The following FHIT variants were observed in gnomAD, a reference collection of about 807,000 sequenced individuals.
FHIT encodes the protein fragile histidine triad diadenosine triphosphatase, also known as bis(5'-adenosyl)-triphosphatase.
A neutral mutation model predicts 17.9 loss-of-function variants in FHIT; 19 were observed. The observed-to-expected ratio is 1.06, with a 90% CI of 0.74 to 1.56. The LOEUF is 1.56. Among genes scored for constraint, FHIT ranks in the 40% most tolerant of loss-of-function variants. The pLI, the probability that FHIT is intolerant of heterozygous loss-of-function variation, is 0.00. For missense variants in FHIT, 248 were observed against 189.2 expected (o/e 1.31, Z -1.82); for synonymous variants, 81 against 69.7 (o/e 1.16, Z -0.81).
At chr3:60,423,729 A>T (rs1702560034) in intron 5 of FHIT, among the ~76,000 whole-genome samples, 1 of 152,198 alleles carries the variant, frequency 6.6e-6, no homozygotes, top group Non-Finnish European at 1.5e-5. Context: ...GTCCTGGTGC[A>T]GCTAAGTAAT....
chr3:61,126,317 A>T (rs576192527), intron 2 of FHIT, among the ~76,000 whole-genome samples: 48 of 152,276 alleles, frequency 3.2e-4, no homozygotes, highest in Middle Eastern at 6.8e-3. Flanking sequence ...AGACAATTGT[A>T]TTAGTCCATT....
chr3:61,106,906 A>C (rs1488328508), intron 2 of FHIT, among the ~76,000 whole-genome samples: 3 of 152,032 alleles, frequency 2.0e-5, no homozygotes, highest in Non-Finnish European at 2.9e-5. Context: ...TGATCTGCCC[A>C]CCTCGGCCTC....
At chr3:61,142,473 T>C (rs1402925709) in intron 2 of FHIT, among the ~76,000 whole-genome samples, 1 of 144,390 alleles carries the variant, frequency 6.9e-6, no homozygotes, top group Non-Finnish European at 1.6e-5. Flanking sequence ...GATACCAGGG[T>C]TCTACTTTAG....
chr3:59,907,281 C>A (rs1704626893), intron 8 of FHIT, among the ~76,000 whole-genome samples: 1 of 152,210 alleles, frequency 6.6e-6, no homozygotes, highest in African/African-American at 2.4e-5. Context: ...CAGTTACTGT[C>A]ACTAATTTCT....
intron 3 of FHIT, among the ~76,000 whole-genome samples, chr3:60,856,138 G>T (rs900447800): frequency 6.6e-6 from 1 of 152,060 alleles, no homozygotes; most frequent in Non-Finnish European, 1.5e-5. Context: ...GATGGAAAAC[G>T]TTCAGAGGCC....
At chr3:60,365,112 T>TTA (rs1700054564) in intron 5 of FHIT, among the ~76,000 whole-genome samples, 1 of 149,348 alleles carries the variant, frequency 6.7e-6, no homozygotes, top group African/African-American at 2.4e-5. Context: ...AAACAGAACA[T>TTA]TATATATATA....
chr3:60,496,765 C>T (rs2034316322), intron 5 of FHIT, among the ~76,000 whole-genome samples: 1 of 152,082 alleles, frequency 6.6e-6, no homozygotes, highest in South Asian at 2.1e-4. Flanking sequence ...TTGTCTTCCA[C>T]TCAGGGACTA....
intron 4 of FHIT, among the ~76,000 whole-genome samples, chr3:60,607,295 A>C (rs9845743): frequency 0.05 from 7,620 of 152,032 alleles, 652 homozygotes; most frequent in African/African-American, 0.17. Context: ...CGATGAGCAG[A>C]TTAATCATTT....
rs558987719 is a variant in FHIT, at chr3:59,918,840, A to G, written c.348+3506T>C. Among the ~76,000 whole-genome samples, 24 of 152,300 alleles carry G rather than the reference A, an allele frequency of 1.6e-4. No individual in the cohort carries two copies. In the East Asian group the frequency reaches 4.6e-3, roughly 29 times the overall value. On this transcript the variant is annotated intron_variant, in intron 8 of 9. Transcript: ENST00000492590. ...ATACTTTACAGTCACAATAAAGCAA[A>G]TCACCAAAAATACTTTGCAGGCAAA...
At chr3:60,444,069 G>A (rs2107343380) in intron 5 of FHIT, among the ~76,000 whole-genome samples, 1 of 152,250 alleles carries the variant, frequency 6.6e-6, no homozygotes, top group African/African-American at 2.4e-5. Context: ...AGACATTTAT[G>A]CAGCCAAAAG....
intron 7 of FHIT, 50 bp downstream of exon 7, chr3:60,011,320 AG>A: frequency 6.4e-7 from 1 of 1,564,530 alleles, no homozygotes; most frequent in Non-Finnish European, 8.8e-7. Flanking sequence ...ATTTTTTATT[AG>A]TTCTCATAAT....
chr3:60,296,527 C>T (rs991941304), intron 5 of FHIT, among the ~76,000 whole-genome samples: 8 of 151,970 alleles, frequency 5.3e-5, no homozygotes, highest in African/African-American at 1.2e-4. Context: ...TTGAGTTTTG[C>T]GAGTTCATTA....
At chr3:60,053,570 T>C (rs557765888) in intron 5 of FHIT, among the ~76,000 whole-genome samples, 1 of 151,946 alleles carries the variant, frequency 6.6e-6, no homozygotes, top group African/African-American at 2.4e-5. Context: ...AAAGGAAAGG[T>C]CACAAGGATG....
chr3:60,710,074 T>TAAA lies in FHIT; in HGVS notation c.-18+111842_-18+111844dup, dbSNP rs782196858. 5.2e-4 allele frequency among the ~76,000 whole-genome samples: 42 copies of TAAA among 80,554 alleles called. 1 individual carries two copies. Among genetic ancestry groups the TAAA allele is most frequent in the African/African-American group, 1.4e-3 (31 of 21,504 alleles). The allele number at this position is 80,554 out of a possible 152,430, so 52.8% of individuals were successfully genotyped here. ...CTTCCCATTTCAGCACACAGAATGCTAAAAAAAAAAAAAAAAAAAAACTCA... is the reference window on the plus strand; with the variant it reads ...CTTCCCATTTCAGCACACAGAATGCTAAAAAAAAAAAAAAAAAAAAAAAACTCA... On this transcript the variant is annotated intron_variant, in intron 4 of 9. Transcript: ENST00000492590.
intron 6 of FHIT, 113 bp from the exon 7 acceptor site, chr3:60,011,513 T>C (rs556551548): frequency 1.5e-5 from 14 of 934,658 alleles, no homozygotes; most frequent in East Asian, 5.1e-5. Flanking sequence ...TGTTAATTTA[T>C]AGTATTCTCA....
At chr3:60,065,782 A>T (rs1050806885) in intron 5 of FHIT, among the ~76,000 whole-genome samples, 6 of 152,134 alleles carry the variant, frequency 3.9e-5, no homozygotes, top group African/African-American at 1.4e-4. Context: ...TCCCATGGCC[A>T]ACTACTCATT....
At chr3:59,764,654 TA>T (rs1348403340) in intron 8 of FHIT, among the ~76,000 whole-genome samples, 1 of 152,156 alleles carries the variant, frequency 6.6e-6, no homozygotes, top group Non-Finnish European at 1.5e-5. Flanking sequence ...AATGAAGACA[TA>T]AAGCCTTGAA....
At chr3:59,960,918 C>G (rs180782455) in intron 7 of FHIT, among the ~76,000 whole-genome samples, 1 of 152,280 alleles carries the variant, frequency 6.6e-6, no homozygotes, top group Admixed American at 6.5e-5. Flanking sequence ...GTCAAATTAT[C>G]CTGACAGCGA....
At chr3:60,082,448 A>G (rs1703329576) in intron 5 of FHIT, among the ~76,000 whole-genome samples, 1 of 152,096 alleles carries the variant, frequency 6.6e-6, no homozygotes, top group Non-Finnish European at 1.5e-5. Context: ...AGGTAGATGT[A>G]TCAGTTTGGT....
Sources: allele counts gnomAD v4.1 joint callset (sites outside exome capture counted in the v4.1 genomes callset), GRCh38; gene constraint gnomAD v4.1.1; transcripts MANE v1.5; gene names NCBI Gene and HGNC (gene_info 2026-07-23, HGNC 2026-07-21).